Variants in ITGA5 observed in about 807,000 individuals in gnomAD.
The protein encoded by ITGA5 is integrin alpha-5.
ITGA5 carries 55 observed loss-of-function variants against 146.3 expected under a neutral mutation model. The ratio of observed to expected loss-of-function variants is 0.38; its 90% CI spans 0.30 to 0.47. ITGA5 has a LOEUF of 0.47. Among genes scored for constraint, ITGA5 ranks in the 20% least tolerant of loss-of-function variants. The pLI is 0.99. For synonymous variants in ITGA5, 500 were observed against 531.8 expected, an observed-to-expected ratio of 0.94 and a Z score of 0.82; for missense variants, 1,131 against 1,329.0, an observed-to-expected ratio of 0.85 and a Z score of 2.32.
chr12:54,399,601 A>C lies in ITGA5; in HGVS notation c.2841+44T>G, dbSNP rs201382501. 5.7e-6 allele frequency: 8 copies of C among 1,412,864 alleles called. No homozygotes were observed. In the African/African-American group the frequency reaches 8.4e-5, roughly 15 times the overall value. The allele number at this position is 1,412,864 out of a possible 1,614,324, so 87.5% of individuals were successfully genotyped here. ...GAGAAAGGGGTGGGTCAGTCTAAGC[A>C]GGCCCAAAGGTCAGGGGTCAGGGCT... On this transcript the variant is annotated intron_variant, in intron 27 of 29. Coordinates refer to ENST00000293379, the MANE Select transcript of ITGA5 (RefSeq NM_002205.5).
At position 54,408,530 on chromosome 12, in the gene ITGA5, A is replaced by C. The variant is rs569264515; in HGVS notation, c.691+226T>G. Among the ~76,000 whole-genome samples the C allele has an allele frequency of 5.3e-5, 8 of 152,176 alleles. No homozygotes were observed. In the South Asian group the frequency reaches 8.3e-4, roughly 16 times the overall value. On this transcript the variant is annotated intron_variant, in intron 6 of 29. Transcript: ENST00000293379. ...ATCACGAGGTCAGGAGTCCAAGACC[A>C]GCCTGGCCAAGATGGTGAAACCCCT...
At position 54,409,153 on chromosome 12, in the gene ITGA5, C is replaced by A; in HGVS notation, c.583+79G>T. The stretch of plus-strand genomic sequence containing the variant: ...ACCTCATGGGGGCACATGGTAGGTG[C>A]GAGTCAACCCTAAGTATGTGAGACA... On this transcript the variant is annotated intron_variant, in intron 4 of 29. Transcript: ENST00000293379. This position sits in a 1 kb window ranked among gnomAD's most constrained non-coding sequence, Gnocchi z 4.7. 1.3e-6 allele frequency: 2 copies of A among 1,548,402 alleles called. No individual in the cohort carries two copies. Among genetic ancestry groups the A allele is most frequent in the Non-Finnish European group, 1.7e-6 (2 of 1,145,760 alleles).
At position 54,405,209 on chromosome 12, in the gene ITGA5, G is replaced by A; in HGVS notation, c.1182C>T (p.Ser394=). The change falls in exon 12 of 30, where the codon AGC becomes AGT. Residue 394 remains serine, a synonymous_variant. Transcript: ENST00000293379. ...TGHDEFGRFG[S]SLTPLGDLDQ... The stretch of plus-strand genomic sequence containing the variant: ...CCAGGTCCCCCAGGGGGGTCAAGGA[G>A]CTGCCAAATCGGCCAAACTCATCAT... The A allele has an allele frequency of 1.9e-6, 3 of 1,612,258 alleles. No individual in the cohort carries two copies. The highest frequency in any genetic ancestry group is 1.7e-6 in the Non-Finnish European group (2 of 1,178,724).
intron 13 of ITGA5, 57 bp downstream of exon 13, chr12:54,404,646 G>C: frequency 6.6e-7 from 1 of 1,525,030 alleles, no homozygotes. Context: ...AGAAGAGAGA[G>C]TAGGGGTCAG....
At chr12:54,406,212 G>A in intron 9 of ITGA5, 1 of 495,154 alleles carries the variant, frequency 2.0e-6, no homozygotes, top group Admixed American at 3.2e-5. Context: ...GATCAATAGG[G>A]GCAGGAACTT....
chr12:54,396,485 C>A, intron 29 of ITGA5, 109 bp from the exon 30 acceptor site: 1 of 852,898 alleles, frequency 1.2e-6, no homozygotes, highest in Non-Finnish European at 1.9e-6. Flanking sequence ...ACCTCTACAT[C>A]CTGCAAAAGT....
Position 54,409,692 on chromosome 12 carries a change from T to C in ITGA5, c.350-95A>G. On this transcript the variant is annotated intron_variant, in intron 2 of 29. Transcript: ENST00000293379. This position sits in a 1 kb window ranked among gnomAD's most constrained non-coding sequence, Gnocchi z 4.7. ...CAGCCTGGGGATACCCAACAAACGC[T>C]TCCAAGCCCTGAGACTCCATGACTC... 1.4e-6 allele frequency: 1 copy of C among 719,496 alleles called. No individual in the cohort carries two copies. The highest frequency in any genetic ancestry group is 1.7e-5 in the South Asian group (1 of 58,354). 44.6% of individuals were successfully genotyped at this position (719,496 alleles called of 1,614,324 possible). A position where few individuals can be genotyped will look rare whatever the true frequency, so the allele number is the denominator to read the frequency against.
chr12:54,404,308 A>G, intron 14 of ITGA5, 62 bp from the exon 15 acceptor site: 1 of 1,572,058 alleles, frequency 6.4e-7, no homozygotes, highest in Non-Finnish European at 8.7e-7. Flanking sequence ...GACACAGGAA[A>G]CTGATGCCCA....
intron 1 of ITGA5, 54 bp downstream of exon 1, chr12:54,418,927 C>G: frequency 5.0e-6 from 8 of 1,595,104 alleles, no homozygotes; most frequent in East Asian, 4.5e-5. Context: ...GCCGCGCCCC[C>G]AGTCTCCAGG....
rs544511807 is a variant in ITGA5 at position 54,410,648 on chromosome 12, A to C, written c.350-1051T>G. ...ATTGCAGCCTTGGCTGCAGTGACGGAGAATCACTCAAGTGATTCTCCCACC... is the reference window on the plus strand; with the variant it reads ...ATTGCAGCCTTGGCTGCAGTGACGGCGAATCACTCAAGTGATTCTCCCACC... On this transcript the variant is annotated intron_variant, in intron 2 of 29. Coordinates refer to ENST00000293379, the MANE Select transcript of ITGA5 (RefSeq NM_002205.5). Among the ~76,000 whole-genome samples the C allele has an allele frequency of 3.3e-5, 5 of 151,242 alleles. No individual in the cohort carries two copies. The South Asian group carries it at 6.3e-4, about 19-fold the overall frequency.
chr12:54,416,352 G>A lies in ITGA5; in HGVS notation c.218+2629C>T, dbSNP rs1645942563. ...CCCAAAGTGCTGGCATTACAGGCGT[G>A]AGCCACTGCACCTGGCCAGCCTCAG... On this transcript the variant is annotated intron_variant, in intron 1 of 29. Transcript: ENST00000293379. The surrounding 1 kb of genome is among the most constrained non-coding windows in gnomAD (Gnocchi z 4.1). Among the ~76,000 whole-genome samples, 1 of 152,234 alleles carries A rather than the reference G, an allele frequency of 6.6e-6. No individual in the cohort carries two copies. The highest frequency in any genetic ancestry group is 1.5e-5 in the Non-Finnish European group (1 of 68,042).
At chr12:54,407,380 C>G (rs1656319346) in intron 9 of ITGA5, 1 of 506,444 alleles carries the variant, frequency 2.0e-6, no homozygotes, top group South Asian at 2.5e-5. Flanking sequence ...TGCATTTTCT[C>G]ATTTCATCCT....
chr12:54,407,931 CTG>C, intron 7 of ITGA5, 55 bp from the exon 8 acceptor site: 1 of 1,542,950 alleles, frequency 6.5e-7, no homozygotes, highest in Non-Finnish European at 8.8e-7. Context: ...CCCCTCTGCT[CTG>C]GCCTATCCAC....
intron 9 of ITGA5, among the ~76,000 whole-genome samples, chr12:54,407,204 T>C (rs989047397): frequency 1.3e-5 from 2 of 152,242 alleles, no homozygotes; most frequent in Non-Finnish European, 2.9e-5. Flanking sequence ...TAAGATGGGG[T>C]ATGATACCTT....
Position 54,409,407 on chromosome 12 carries a change from C to G in ITGA5, c.463-55G>C, listed in dbSNP as rs1955912396. ...GATTCAGTCCAATAAGGCCCTTCCT[C>G]CCTCCCTCCAGGCCCGGCCTTACCC... On this transcript the variant is annotated intron_variant, in intron 3 of 29. Transcript: ENST00000293379. The surrounding 1 kb of genome is among the most constrained non-coding windows in gnomAD (Gnocchi z 4.7). 1.2e-6 allele frequency: 2 copies of G among 1,606,586 alleles called. No individual in the cohort carries two copies. Among genetic ancestry groups the G allele is most frequent in the South Asian group, 1.1e-5 (1 of 90,398 alleles).
rs766469424 is a variant in ITGA5, at chr12:54,403,156, C to T, written c.1914+31G>A. 7.0e-6 allele frequency: 11 copies of T among 1,581,078 alleles called. No individual in the cohort carries two copies. Among genetic ancestry groups the T allele is most frequent in the South Asian group, 4.6e-5 (4 of 86,046 alleles). ...CCCCCAATACCCAGGCCTCTGTCTT[C>T]CCAGGTCCCTTCTCCCTGCCCTGTC... On this transcript the variant is annotated intron_variant, in intron 18 of 29. Coordinates refer to ENST00000293379, the MANE Select transcript of ITGA5 (RefSeq NM_002205.5). This position sits in a 1 kb window ranked among gnomAD's most constrained non-coding sequence, Gnocchi z 4.9.
In ITGA5 at chr12:54,401,385, G is replaced by A; in HGVS notation, c.2481C>T (p.His827=). 6.2e-7 allele frequency: 1 copy of A among 1,611,656 alleles called. No individual in the cohort carries two copies. The highest frequency in any genetic ancestry group is 8.5e-7 in the Non-Finnish European group (1 of 1,177,988). The change falls in exon 24 of 30, where the codon CAC becomes CAT. Residue 827 remains histidine, a synonymous_variant. Transcript: ENST00000293379. This position sits in a 1 kb window ranked among gnomAD's most constrained non-coding sequence, Gnocchi z 5.0. ...QKEEDLGPAV[H]HVYELINQGP... is the part of the protein sequence containing the mutation. ...CTTCCCCCCTTACCTCATAGACATG[G>A]TGGACAGCAGGTCCCAGGTCCTCCT...
At chr12:54,396,796 AC>A (rs1329816002) in intron 29 of ITGA5, among the ~76,000 whole-genome samples, 1 of 151,836 alleles carries the variant, frequency 6.6e-6, no homozygotes, top group Admixed American at 6.6e-5. Flanking sequence ...CGATCCTCCC[AC>A]CTCAGCCTCC....
Position 54,408,877 on chromosome 12 carries a change from CA to C in ITGA5, c.645+15del. On this transcript the variant is annotated intron_variant, in intron 5 of 29. Coordinates refer to ENST00000293379, the MANE Select transcript of ITGA5 (RefSeq NM_002205.5). Reference sequence around the variant, plus strand: ...CCACCACCCACGGCCCCTTCTCTCCCAGACCACTCTCTCACCTTGGTGAACT... The same window carrying C: ...CCACCACCCACGGCCCCTTCTCTCCCGACCACTCTCTCACCTTGGTGAACT... 6.2e-7 allele frequency: 1 copy of C among 1,614,064 alleles called. No individual in the cohort carries two copies. Among genetic ancestry groups the C allele is most frequent in the African/African-American group, 1.3e-5 (1 of 75,032 alleles).
Sources: gnomAD v4.1 joint callset for allele counts (sites outside exome capture counted in the v4.1 genomes callset) on GRCh38, gnomAD v4.1.1 for gene constraint, Gnocchi (gnomAD v3.1) non-coding constraint, MANE v1.5 for transcripts, NCBI Gene and HGNC (gene_info 2026-07-23, HGNC 2026-07-21) for gene names.